PMPCB: variants seen among roughly 807,000 people sequenced by gnomAD.
PMPCB encodes the protein peptidase, mitochondrial processing subunit beta.
PMPCB carries 46 observed loss-of-function variants against 61.5 expected under a neutral mutation model. That is an observed-to-expected ratio of 0.75 (90% CI 0.59 to 0.96). The LOEUF (loss-of-function observed/expected upper bound fraction) is 0.96, where lower values mean the gene tolerates loss of function less well. Among genes scored for constraint, PMPCB ranks in the 40% least tolerant of loss-of-function variants. The pLI is 0.00. For missense variants in PMPCB, 590 were observed against 602.4 expected, an observed-to-expected ratio of 0.98 and a Z score of 0.22; for synonymous variants, 191 against 201.6, an observed-to-expected ratio of 0.95 and a Z score of 0.44.
At chr7:103,326,446 A>G in intron 12 of PMPCB, 1 of 1,228,442 alleles carries the variant, frequency 8.1e-7, no homozygotes, top group South Asian at 1.3e-5. Context: ...AATAATCTAT[A>G]AATGAAACTA....
chr7:103,341,761 T>C, the PMPCB span: 10 of 1,549,942 alleles, frequency 6.5e-6, no homozygotes. Flanking sequence ...AGATATTAAA[T>C]ACCTTCCAGT....
chr7:103,319,599 C>T (rs758024172), downstream of PMPCB: 2 of 1,613,460 alleles, frequency 1.2e-6, no homozygotes, highest in South Asian at 1.1e-5. Flanking sequence ...GTGATGTGTT[C>T]CTCTATTACC....
At chr7:103,330,340 C>T (rs1818915212), downstream of PMPCB, among the ~76,000 whole-genome samples, 1 of 151,998 alleles carries the variant, frequency 6.6e-6, no homozygotes, top group Non-Finnish European at 1.5e-5. Context: ...GGCTGGAGCA[C>T]AGTGGCACCC....
At chr7:103,311,484 T>A (rs1376865587) in intron 9 of PMPCB, 159 bp from the exon 10 acceptor site, 2 of 610,604 alleles carry the variant, frequency 3.3e-6, no homozygotes, top group Non-Finnish European at 5.8e-6. Context: ...TTTGAGAAAT[T>A]AATACTGGGG....
At chr7:103,300,779 G>A (rs1463301876) in intron 4 of PMPCB, among the ~76,000 whole-genome samples, 1 of 152,120 alleles carries the variant, frequency 6.6e-6, no homozygotes, top group Non-Finnish European at 1.5e-5. Context: ...CTGCCTCCTG[G>A]GTTCAAGTGA....
At chr7:103,310,685 T>TA (rs1192891345) in intron 9 of PMPCB, 1 of 250,228 alleles carries the variant, frequency 4.0e-6, no homozygotes. Context: ...TTTTTTTTTT[T>TA]TTTTTTTTTT....
At chr7:103,316,983 T>G, downstream of PMPCB, 1 of 1,613,830 alleles carries the variant, frequency 6.2e-7, no homozygotes. Flanking sequence ...TTCCTCTTTC[T>G]CTTTTCTGAT....
chr7:103,318,982 C>T (rs569959804), downstream of PMPCB, among the ~76,000 whole-genome samples: 23 of 152,194 alleles, frequency 1.5e-4, no homozygotes, highest in African/African-American at 5.1e-4. Flanking sequence ...GAGGCCAATG[C>T]GGACGGATCA....
At chr7:103,338,786 T>C in the PMPCB span, among the ~76,000 whole-genome samples, 3 of 151,988 alleles carry the variant, frequency 2.0e-5, no homozygotes, top group Non-Finnish European at 4.4e-5. Flanking sequence ...GGCGCCCACC[T>C]GTAATCCCAG....
At chr7:103,334,927 A>G in the PMPCB span, among the ~76,000 whole-genome samples, 1 of 152,092 alleles carries the variant, frequency 6.6e-6, no homozygotes, top group African/African-American at 2.4e-5. Context: ...TCTGCCTCCC[A>G]GTTTCAAGCG....
chr7:103,317,547 T>G (rs184035325), downstream of PMPCB, among the ~76,000 whole-genome samples: 1 of 152,240 alleles, frequency 6.6e-6, no homozygotes, highest in Middle Eastern at 3.2e-3. Context: ...CAGCTTTGGC[T>G]CATTTCTCCC....
chr7:103,332,577 A>C (rs1016292593), downstream of PMPCB, among the ~76,000 whole-genome samples: 2 of 152,134 alleles, frequency 1.3e-5, no homozygotes, highest in African/African-American at 4.8e-5. Flanking sequence ...TGGGCCTAAA[A>C]ATTGTTTTTA....
chr7:103,301,741 A>G (rs1817456722), intron 4 of PMPCB, among the ~76,000 whole-genome samples: 1 of 152,094 alleles, frequency 6.6e-6, no homozygotes, highest in African/African-American at 2.4e-5. Flanking sequence ...TGAAGTAATA[A>G]TTAGATGTTT....
At position 103,313,852 on chromosome 7, in the gene PMPCB, G is replaced by C. The variant is rs1817896930; in HGVS notation, c.*1581G>C. On this transcript the variant is annotated 3_prime_UTR_variant, in exon 13 of 13. Coordinates refer to ENST00000249269, the MANE Select transcript of PMPCB (RefSeq NM_004279.3). ...GGTAAAAGTAGAATGTTAAGTGGTA[G>C]AAAGCTGATTTGGTTAAGTTAATGG... 1 of 985,362 alleles carries C rather than the reference G, an allele frequency of 1.0e-6. No individual in the cohort carries two copies. The highest frequency in any genetic ancestry group is 1.2e-6 in the Non-Finnish European group (1 of 829,866). The allele number at this position is 985,362 out of a possible 1,614,324, so 61.0% of individuals were successfully genotyped here.
the PMPCB span, among the ~76,000 whole-genome samples, chr7:103,338,631 G>A: frequency 6.6e-6 from 1 of 152,170 alleles, no homozygotes; most frequent in East Asian, 2.0e-4. Context: ...GAAGAGACAG[G>A]CTGGGCATGC....
chr7:103,344,689 C>T, the PMPCB span: 1 of 1,536,358 alleles, frequency 6.5e-7, no homozygotes, highest in African/African-American at 1.4e-5. Flanking sequence ...CTTAGGGTCC[C>T]CTCCAGCTCT....
chr7:103,322,638 A>G (rs777747276), intron 12 of PMPCB: 18 of 1,612,950 alleles, frequency 1.1e-5, no homozygotes, highest in Non-Finnish European at 1.5e-5. Flanking sequence ...ATTGTCTAGC[A>G]AAAGAAAAAG....
Position 103,313,635 on chromosome 7 carries a change from T to C in PMPCB, c.*1364T>C. On this transcript the variant is annotated 3_prime_UTR_variant, in exon 13 of 13. Coordinates refer to ENST00000249269, the MANE Select transcript of PMPCB (RefSeq NM_004279.3). ...CAGTGCTGGAGAGGCAAGCTGAGAT[T>C]AGATTGTGTTGTAGTGTGGTGTTCT... is the stretch of plus-strand genomic sequence containing the variant. 5 of 985,384 alleles carry C rather than the reference T, an allele frequency of 5.1e-6. No homozygotes were observed. Among genetic ancestry groups the C allele is most frequent in the Non-Finnish European group, 6.0e-6 (5 of 829,884 alleles). The allele number at this position is 985,384 out of a possible 1,614,324, so 61.0% of individuals were successfully genotyped here. A position where few individuals can be genotyped will look rare whatever the true frequency, so the allele number is the denominator to read the frequency against.
intron 10 of PMPCB, 31 bp from the exon 11 acceptor site, chr7:103,311,777 C>T (rs1391126515): frequency 6.3e-7 from 1 of 1,598,472 alleles, no homozygotes; most frequent in Non-Finnish European, 8.6e-7. Context: ...ATCTGTATTC[C>T]AATAGTTAAT....
Sources: gnomAD v4.1 joint callset for allele counts (sites outside exome capture counted in the v4.1 genomes callset) on GRCh38, gnomAD v4.1.1 for gene constraint, MANE v1.5 for transcripts, NCBI Gene and HGNC (gene_info 2026-07-23, HGNC 2026-07-21) for gene names.